The following MECOM variants were observed in gnomAD, a reference collection of about 807,000 sequenced individuals.
MECOM encodes the protein MDS1 and EVI1 complex locus.
MECOM carries 13 observed loss-of-function variants against 116.3 expected under a neutral mutation model. That is an observed-to-expected ratio of 0.11 (90% CI 0.07 to 0.18). The LOEUF is 0.18. Ranked by LOEUF, MECOM falls within the 10% of genes least tolerant of loss-of-function variation. The probability of loss-of-function intolerance (pLI) is 1.00; values close to 1 mark genes in which losing one functional copy is unlikely to be tolerated. For synonymous variants in MECOM, 528 were observed against 535.2 expected (o/e 0.99, Z 0.19); for missense variants, 1,299 against 1,509.0 (o/e 0.86, Z 2.31).
At chr3:169,589,764 G>T (rs1577016600) in intron 1 of MECOM, among the ~76,000 whole-genome samples, 1 of 152,030 alleles carries the variant, frequency 6.6e-6, no homozygotes, top group South Asian at 2.1e-4. Flanking sequence ...CTGCAATTCC[G>T]ACTCACATAG....
rs1470673869 is a variant in MECOM at position 169,611,020 on chromosome 3, A to G, written c.37+52316T>C. 1.4e-4 allele frequency among the ~76,000 whole-genome samples: 21 copies of G among 152,230 alleles called. No individual in the cohort carries two copies. Among genetic ancestry groups the G allele is most frequent in the Admixed American group, 1.4e-3 (21 of 15,280 alleles). The stretch of plus-strand genomic sequence containing the variant: ...GAGTTTCCTAAACTTGCCTTATGAT[A>G]AAAACCACCTTCAGCATTTGTTAAA... On this transcript the variant is annotated intron_variant, in intron 1 of 16. Coordinates refer to ENST00000651503, the MANE Select transcript of MECOM (RefSeq NM_004991.4). The surrounding 1 kb of genome is among the most constrained non-coding windows in gnomAD (Gnocchi z 4.1).
intron 2 of MECOM, among the ~76,000 whole-genome samples, chr3:169,205,985 A>C (rs1749870205): frequency 6.6e-6 from 1 of 152,176 alleles, no homozygotes; most frequent in Non-Finnish European, 1.5e-5. Context: ...CTTCCCTTAG[A>C]AACAACTTGC....
intron 4 of MECOM, among the ~76,000 whole-genome samples, chr3:169,128,724 G>T (rs1470154001): frequency 6.6e-6 from 1 of 152,012 alleles, no homozygotes; most frequent in Non-Finnish European, 1.5e-5. Context: ...GTTACCCCAG[G>T]GTCAGTGCTA....
chr3:169,655,715 A>G (rs1398579662), intron 1 of MECOM, among the ~76,000 whole-genome samples: 1 of 152,238 alleles, frequency 6.6e-6, no homozygotes, highest in East Asian at 1.9e-4. Flanking sequence ...GAGAAGACAT[A>G]CAAAATGCTT....
intron 1 of MECOM, among the ~76,000 whole-genome samples, chr3:169,461,057 T>C (rs1267359691): frequency 6.6e-6 from 1 of 152,060 alleles, no homozygotes; most frequent in East Asian, 1.9e-4. Flanking sequence ...AGAAAACCAA[T>C]GTTTTCTTTT....
At chr3:169,656,538 T>C (rs1023391287) in intron 1 of MECOM, among the ~76,000 whole-genome samples, 3 of 152,212 alleles carry the variant, frequency 2.0e-5, no homozygotes, top group Admixed American at 6.5e-5. Context: ...ACAAAACAGC[T>C]TTTATAATAA....
intron 2 of MECOM, among the ~76,000 whole-genome samples, chr3:169,376,275 A>T (rs914286932): frequency 6.6e-6 from 1 of 152,130 alleles, no homozygotes; most frequent in Non-Finnish European, 1.5e-5. Context: ...GCACAAGACA[A>T]GGATGCCCTC....
At chr3:169,577,611 AAATGAATGAATG>A (rs1265947191) in intron 1 of MECOM, among the ~76,000 whole-genome samples, 1 of 152,140 alleles carries the variant, frequency 6.6e-6, no homozygotes, top group South Asian at 2.1e-4. Context: ...TGGAGGTGTT[AAATGAATGAATG>A]AATGAATGAT....
intron 1 of MECOM, among the ~76,000 whole-genome samples, chr3:169,426,895 G>A (rs1740800576): frequency 6.6e-6 from 1 of 152,194 alleles, no homozygotes; most frequent in African/African-American, 2.4e-5. Context: ...CTATGTGCCA[G>A]ATATTGTATG....
chr3:169,115,556 G>C lies in MECOM; in HGVS notation c.2316C>G (p.Pro772=). The stretch of plus-strand genomic sequence containing the variant: ...TCCTACTGCCCATACTTAGATCCAG[G>C]GGCTGGTCTTGGCTTGTGGCAGGTG... ...PVTPATSQDQ[P]LDLSMGSRSR... is the part of the protein sequence containing the mutation. The change falls in exon 8 of 17, where the codon CCC becomes CCG. Residue 772 remains proline, a synonymous_variant. Coordinates refer to ENST00000651503, the MANE Select transcript of MECOM (RefSeq NM_004991.4). 1 of 1,614,064 alleles carries C rather than the reference G, an allele frequency of 6.2e-7. No individual in the cohort carries two copies. Among genetic ancestry groups the C allele is most frequent in the East Asian group, 2.2e-5 (1 of 44,872 alleles).
chr3:169,283,025 A>G (rs564345228), intron 2 of MECOM, among the ~76,000 whole-genome samples: 2 of 152,260 alleles, frequency 1.3e-5, no homozygotes, highest in African/African-American at 4.8e-5. Flanking sequence ...GCTGACTTCA[A>G]TCACATCTAG....
chr3:169,271,755 T>TA (rs974396820), intron 2 of MECOM, among the ~76,000 whole-genome samples: 1 of 152,078 alleles, frequency 6.6e-6, no homozygotes, highest in Non-Finnish European at 1.5e-5. Context: ...CTTAAAATTT[T>TA]AAAAAAAGAA....
chr3:169,473,240 A>G (rs1315686108), intron 1 of MECOM, among the ~76,000 whole-genome samples: 1 of 152,236 alleles, frequency 6.6e-6, no homozygotes, highest in Admixed American at 6.5e-5. Context: ...TCTGGTGATC[A>G]GAATGATCAC....
intron 2 of MECOM, among the ~76,000 whole-genome samples, chr3:169,205,320 T>C (rs1749774268): frequency 6.6e-6 from 1 of 152,198 alleles, no homozygotes; most frequent in South Asian, 2.1e-4. Flanking sequence ...AGATATTAAT[T>C]TACTTTTTGA....
At chr3:169,161,458 C>T (rs1742835106) in intron 2 of MECOM, among the ~76,000 whole-genome samples, 1 of 151,888 alleles carries the variant, frequency 6.6e-6, no homozygotes, top group South Asian at 2.1e-4. Context: ...TATGGACAGA[C>T]CTAAAAGAAG....
intron 1 of MECOM, among the ~76,000 whole-genome samples, chr3:169,467,772 T>C (rs1392154912): frequency 6.6e-6 from 1 of 152,216 alleles, no homozygotes; most frequent in Non-Finnish European, 1.5e-5. Context: ...AGGCTGAGAA[T>C]GTTCATAGCT....
At chr3:169,102,262 G>A in intron 10 of MECOM, 36 bp from the exon 11 acceptor site, 2 of 1,571,924 alleles carry the variant, frequency 1.3e-6, no homozygotes, top group Non-Finnish European at 1.7e-6. Context: ...GAAGCGTTTG[G>A]CATCTTGTCT....
At chr3:169,320,086 A>T (rs1226592251) in intron 2 of MECOM, among the ~76,000 whole-genome samples, 1 of 152,226 alleles carries the variant, frequency 6.6e-6, no homozygotes, top group Non-Finnish European at 1.5e-5. Flanking sequence ...GGAGAAATGG[A>T]TGTAGACAAT....
chr3:169,202,836 A>C (rs989231205), intron 2 of MECOM, among the ~76,000 whole-genome samples: 1 of 143,412 alleles, frequency 7.0e-6, no homozygotes, highest in Non-Finnish European at 1.5e-5. Flanking sequence ...AAAAAAAAAA[A>C]AAAAAGAGTT....
Sources: allele counts gnomAD v4.1 joint callset (sites outside exome capture counted in the v4.1 genomes callset), GRCh38; gene constraint gnomAD v4.1.1; non-coding constraint Gnocchi (gnomAD v3.1); transcripts MANE v1.5; gene names NCBI Gene and HGNC (gene_info 2026-07-23, HGNC 2026-07-21).